Variants in TRPM3 observed in about 807,000 individuals in gnomAD.
TRPM3 encodes the protein long transient receptor potential channel 3.
A neutral mutation model predicts 181.2 loss-of-function variants in TRPM3; 77 were observed. The observed-to-expected ratio is 0.42, with a 90% confidence interval of 0.35 to 0.51. The LOEUF is 0.51. TRPM3 is among the 20% of genes least tolerant of loss of function. TRPM3 has a pLI of 0.01. For synonymous variants in TRPM3, 745 were observed against 796.4 expected (o/e 0.94, Z 1.09); for missense variants, 1,759 against 2,196.7 (o/e 0.80, Z 3.98).
intron 1 of TRPM3, among the ~76,000 whole-genome samples, chr9:71,366,244 C>T (rs1047728714): frequency 6.6e-6 from 1 of 152,094 alleles, no homozygotes; most frequent in Non-Finnish European, 1.5e-5. Context: ...TCAAAGAGTA[C>T]GCACAAGTAC....
intron 6 of TRPM3, among the ~76,000 whole-genome samples, chr9:70,802,904 A>G (rs1231285732): frequency 2.0e-5 from 3 of 152,094 alleles, no homozygotes; most frequent in African/African-American, 7.2e-5. Flanking sequence ...TAATTAATTC[A>G]GGTTTTGTTT....
At chr9:70,576,504 T>C (rs7866367) in intron 22 of TRPM3, among the ~76,000 whole-genome samples, 2,734 of 149,898 alleles carry the variant, frequency 0.018, 78 homozygotes, top group African/African-American at 0.063. Flanking sequence ...TCCTCCTCCT[T>C]CTTCTTTTTT....
At chr9:71,087,935 G>A (rs1000580089) in intron 1 of TRPM3, among the ~76,000 whole-genome samples, 1 of 152,036 alleles carries the variant, frequency 6.6e-6, no homozygotes, top group Non-Finnish European at 1.5e-5. Flanking sequence ...GATGTCCCTT[G>A]AATTCAAATG....
intron 1 of TRPM3, among the ~76,000 whole-genome samples, chr9:71,273,479 T>C (rs2083960112): frequency 6.6e-6 from 1 of 152,240 alleles, no homozygotes; most frequent in South Asian, 2.1e-4. Flanking sequence ...AGCACTGGCA[T>C]GCCAAGTTGA....
At chr9:71,200,683 C>T (rs2078722897) in intron 1 of TRPM3, among the ~76,000 whole-genome samples, 1 of 152,178 alleles carries the variant, frequency 6.6e-6, no homozygotes, top group Non-Finnish European at 1.5e-5. Context: ...TTATCAGAGA[C>T]TAGGATTGCA....
At chr9:70,793,719 C>T (rs1255485012) in intron 6 of TRPM3, 3 of 459,740 alleles carry the variant, frequency 6.5e-6, no homozygotes, top group Non-Finnish European at 1.4e-5. Flanking sequence ...AGAGTCAAGA[C>T]AGTCCCTCAC....
intron 1 of TRPM3, among the ~76,000 whole-genome samples, chr9:70,967,568 G>T (rs1405306638): frequency 6.6e-6 from 1 of 151,978 alleles, no homozygotes; most frequent in Non-Finnish European, 1.5e-5. Context: ...AGTACACAAA[G>T]AACTTTTCAT....
chr9:70,978,940 AT>A (rs1298176001), intron 1 of TRPM3, among the ~76,000 whole-genome samples: 2 of 152,154 alleles, frequency 1.3e-5, no homozygotes, highest in Non-Finnish European at 1.5e-5. Context: ...CTAAAAAGAG[AT>A]TTTATTTGTT....
intron 8 of TRPM3, among the ~76,000 whole-genome samples, chr9:70,750,026 G>A (rs759412057): frequency 2.6e-5 from 4 of 152,094 alleles, no homozygotes; most frequent in East Asian, 1.9e-4. Flanking sequence ...CAGAGGTTAC[G>A]CACATCATAA....
At chr9:70,684,492 G>C (rs2066259862) in intron 8 of TRPM3, among the ~76,000 whole-genome samples, 1 of 152,052 alleles carries the variant, frequency 6.6e-6, no homozygotes, top group Non-Finnish European at 1.5e-5. Flanking sequence ...ATCTTGCCTG[G>C]ACTAACCTGA....
chr9:71,344,033 A>ATTAGATTAGG (rs2091134883), intron 1 of TRPM3, among the ~76,000 whole-genome samples: 1 of 152,020 alleles, frequency 6.6e-6, no homozygotes, highest in African/African-American at 2.4e-5. Flanking sequence ...ATTAGATTAG[A>ATTAGATTAGG]TTAGATTAGA....
rs2097144097 is a variant in TRPM3 at position 70,962,314 on chromosome 9, C to A, written c.178-97803G>T. 2.6e-5 allele frequency among the ~76,000 whole-genome samples: 4 copies of A among 152,146 alleles called. No individual in the cohort carries two copies. In the South Asian group the frequency reaches 8.3e-4, roughly 32 times the overall value. On this transcript the variant is annotated intron_variant, in intron 1 of 25. Transcript: ENST00000677713. ...TGAGTTAAAATCCACAGATGATAATCTTCCCTAAAGGATCATAGTAAAATA... is the reference window on the plus strand; with the variant it reads ...TGAGTTAAAATCCACAGATGATAATATTCCCTAAAGGATCATAGTAAAATA...
At chr9:71,313,181 G>T (rs1046466065) in intron 1 of TRPM3, among the ~76,000 whole-genome samples, 4 of 152,236 alleles carry the variant, frequency 2.6e-5, no homozygotes, top group South Asian at 2.1e-4. Context: ...TGGAAATTCT[G>T]TATGTTCTGT....
intron 25 of TRPM3, among the ~76,000 whole-genome samples, chr9:70,540,985 A>T (rs907391278): frequency 6.6e-6 from 1 of 152,162 alleles, no homozygotes. Context: ...TCAGCCTCCC[A>T]AAGTGCTGGG....
At chr9:70,987,847 T>G (rs1410940685) in intron 1 of TRPM3, among the ~76,000 whole-genome samples, 1 of 152,046 alleles carries the variant, frequency 6.6e-6, no homozygotes, top group African/African-American at 2.4e-5. Flanking sequence ...ATTTAAAAAT[T>G]TTATTTTATG....
chr9:71,216,976 A>G (rs2131829901), intron 1 of TRPM3, among the ~76,000 whole-genome samples: 2 of 99,576 alleles, frequency 2.0e-5, no homozygotes, highest in Admixed American at 3.3e-4. Flanking sequence ...TTTGAGACGG[A>G]GTCTCGCTCT....
chr9:71,236,460 G>A (rs1301012088), intron 1 of TRPM3, among the ~76,000 whole-genome samples: 1 of 151,992 alleles, frequency 6.6e-6, no homozygotes, highest in East Asian at 1.9e-4. Context: ...GTAGTAGCAG[G>A]AAAAGTTTAG....
intron 1 of TRPM3, among the ~76,000 whole-genome samples, chr9:71,180,260 G>T (rs566661548): frequency 6.6e-6 from 1 of 151,764 alleles, no homozygotes; most frequent in Non-Finnish European, 1.5e-5. Flanking sequence ...TCACCATGTT[G>T]GTCAGGCTGG....
intron 1 of TRPM3, among the ~76,000 whole-genome samples, chr9:71,312,609 T>G (rs879272739): frequency 1.3e-5 from 2 of 152,172 alleles, no homozygotes; most frequent in African/African-American, 2.4e-5. Context: ...CATGGATGTT[T>G]GTAACAGCTT....
Sources: allele counts gnomAD v4.1 joint callset (sites outside exome capture counted in the v4.1 genomes callset), GRCh38; gene constraint gnomAD v4.1.1; transcripts MANE v1.5; gene names NCBI Gene and HGNC (gene_info 2026-07-23, HGNC 2026-07-21).